The following ACSL6 variants were observed in gnomAD, a reference collection of about 807,000 sequenced individuals.
ACSL6 encodes the protein acyl-CoA synthetase long chain family member 6, also known as long-chain-fatty-acid--CoA ligase 6.
Under a neutral mutation model 98.2 loss-of-function variants are expected in ACSL6, and 47 were observed. The observed-to-expected ratio is 0.48, with a 90% confidence interval of 0.38 to 0.61. ACSL6 has a LOEUF of 0.61. Ranked by LOEUF, ACSL6 falls within the 20% of genes least tolerant of loss-of-function variation. The probability of loss-of-function intolerance (pLI) is 0.00; values close to 1 mark genes in which losing one functional copy is unlikely to be tolerated. For missense variants in ACSL6, 761 were observed against 913.4 expected (o/e 0.83, Z 2.15); for synonymous variants, 362 against 336.9 (o/e 1.07, Z -0.82).
At chr5:131,989,049 C>T (rs940778227) in intron 5 of ACSL6, 145 bp from the exon 6 acceptor site, 8 of 703,588 alleles carry the variant, frequency 1.1e-5, no homozygotes, top group South Asian at 3.4e-5. Context: ...TGTCTGCTCA[C>T]CCACAGCCTT....
chr5:131,975,775 C>G, intron 10 of ACSL6: 3 of 985,470 alleles, frequency 3.0e-6, no homozygotes, highest in Non-Finnish European at 3.6e-6. Flanking sequence ...GCTGTGCCTC[C>G]ACGTGCTCTC....
intron 1 of ACSL6, chr5:132,006,873 C>T (rs1037513972): frequency 1.3e-5 from 2 of 151,856 alleles, no homozygotes; most frequent in Non-Finnish European, 2.9e-5. Context: ...GGAGTTTACA[C>T]CTGCTTTTCC....
At chr5:131,985,149 C>G (rs974975083) in intron 9 of ACSL6, 98 of 522,720 alleles carry the variant, frequency 1.9e-4, no homozygotes, top group Admixed American at 6.2e-5. Flanking sequence ...GATCCAGCTG[C>G]CCATGACTCT....
upstream of ACSL6, chr5:132,012,198 A>G: frequency 2.3e-6 from 1 of 429,786 alleles, no homozygotes; most frequent in Non-Finnish European, 4.1e-6. Flanking sequence ...TCTGCAAACC[A>G]GTGAGGGGAG....
At position 131,972,775 on chromosome 5, in the gene ACSL6, T is replaced by C; in HGVS notation, c.1287A>G (p.Gly429=). 1 of 1,614,212 alleles carries C rather than the reference T, an allele frequency of 6.2e-7. No homozygotes were observed. The highest frequency in any genetic ancestry group is 8.5e-7 in the Non-Finnish European group (1 of 1,180,042). The change falls in exon 13 of 21, where the codon GGA becomes GGG. Residue 429 remains glycine (G), a synonymous_variant. Transcript: ENST00000651883. ...CCCAGATACTATCATTCCTGATGAT[T>C]CCACTCCGGACCTCGGCTTGCTTAC... The part of the protein sequence containing the change: ...AKRKQAEVRS[G]IIRNDSIWDE...
intron 1 of ACSL6, among the ~76,000 whole-genome samples, chr5:131,998,247 G>A (rs541284915): frequency 4.6e-5 from 7 of 152,308 alleles, no homozygotes; most frequent in Admixed American, 4.6e-4. Context: ...GTGTTGCCAG[G>A]TGAGTGACTG....
At chr5:131,998,915 T>G (rs529007096) in intron 1 of ACSL6, among the ~76,000 whole-genome samples, 12 of 152,288 alleles carry the variant, frequency 7.9e-5, no homozygotes, top group African/African-American at 2.9e-4. Flanking sequence ...GATTCTTCCC[T>G]CCCCTTTGAA....
Position 131,974,932 on chromosome 5 carries a change from G to A in ACSL6, c.1029C>T (p.Ser343=). The A allele has an allele frequency of 6.2e-7, 1 of 1,614,218 alleles. No homozygotes were observed. The highest frequency in any genetic ancestry group is 8.5e-7 in the Non-Finnish European group (1 of 1,180,040). ...IFPRQDDVLI[S]FLPLAHMFER... ...CAAACATGTGAGCCAGAGGCAGGAA[G>A]GAGATGAGCACATCGTCCTGTCTCG... The change falls in exon 11 of 21, where the codon TCC becomes TCT. Residue 343 remains serine (S), a synonymous_variant. Transcript: ENST00000651883.
chr5:131,966,497 G>C lies in ACSL6; in HGVS notation c.1632C>G (p.Tyr544Ter). ...CCTTCGTCCTGTCTGGATCTTTCAA[G>C]TAGCCTTTGAACACATTTGGTCCTC... The part of the protein sequence containing the change: ...CVRGPNVFKG[Y>*]LKDPDRTKEA... The change falls in exon 17 of 21, where the codon TAC becomes TAG. Residue 544 changes from tyrosine to a stop codon, truncating the protein, a stop_gained. Coordinates refer to ENST00000651883, the MANE Select transcript of ACSL6 (RefSeq NM_001009185.3). LOFTEE classifies it high-confidence loss of function. The C allele has an allele frequency of 6.2e-7, 1 of 1,614,188 alleles. No homozygotes were observed. The highest frequency in any genetic ancestry group is 8.5e-7 in the Non-Finnish European group (1 of 1,180,040).
chr5:132,008,313 G>T (rs1486462795), intron 1 of ACSL6, among the ~76,000 whole-genome samples: 1 of 152,222 alleles, frequency 6.6e-6, no homozygotes, highest in Non-Finnish European at 1.5e-5. Flanking sequence ...CCTGAACTAA[G>T]CCAAAGTGTG....
At chr5:131,967,862 T>C (rs2149707846) in intron 16 of ACSL6, 78 bp downstream of exon 16, 7 of 1,310,740 alleles carry the variant, frequency 5.3e-6, no homozygotes. Flanking sequence ...AAAAGGAAAA[T>C]CATTCCATCC....
At position 131,954,321 on chromosome 5, in the gene ACSL6, C is replaced by A. The variant is rs577278257; in HGVS notation, c.2082G>T (p.Leu694Phe). The change falls in exon 21 of 21, where the codon TTG becomes TTT. Residue 694 changes from leucine (L) to phenylalanine (F), a missense_variant. Transcript: ENST00000651883. ...HSDMFSVQNGLLTPTLKAKRP... is the reference protein window; with the variant it reads ...HSDMFSVQNGFLTPTLKAKRP... ...TCTTAGCTTTTAGTGTTGGTGTCAGCAAGCCATTTTGAACTGAGAACATGT... is the reference window on the plus strand; with the variant it reads ...TCTTAGCTTTTAGTGTTGGTGTCAGAAAGCCATTTTGAACTGAGAACATGT... 6.2e-7 allele frequency: 1 copy of A among 1,613,952 alleles called. No homozygotes were observed. The highest frequency in any genetic ancestry group is 1.7e-5 in the Admixed American group (1 of 60,012).
intron 1 of ACSL6, among the ~76,000 whole-genome samples, chr5:132,002,256 C>A (rs1755127222): frequency 6.6e-6 from 1 of 152,212 alleles, no homozygotes; most frequent in Non-Finnish European, 1.5e-5. Context: ...CTTTGCCTTT[C>A]CGGCCATGTC....
intron 1 of ACSL6, among the ~76,000 whole-genome samples, chr5:132,007,470 A>G (rs558348201): frequency 6.6e-6 from 1 of 152,344 alleles, no homozygotes; most frequent in South Asian, 2.1e-4. Context: ...TTTAGCTAAC[A>G]TGGCTGGCTG....
chr5:131,986,948 C>G, intron 7 of ACSL6, 94 bp from the exon 8 acceptor site: 1 of 1,206,114 alleles, frequency 8.3e-7, no homozygotes, highest in Non-Finnish European at 1.2e-6. Flanking sequence ...CACACACGCA[C>G]ATACACATAC....
intron 1 of ACSL6, among the ~76,000 whole-genome samples, chr5:132,000,703 T>G (rs1157311848): frequency 6.6e-6 from 1 of 152,144 alleles, no homozygotes; most frequent in African/African-American, 2.4e-5. Context: ...GCCAGCTTAC[T>G]ACCACCCCCA....
intron 20 of ACSL6, among the ~76,000 whole-genome samples, chr5:131,958,600 T>A (rs1752541574): frequency 6.6e-6 from 1 of 152,324 alleles, no homozygotes; most frequent in South Asian, 2.1e-4. Flanking sequence ...AAAACAGTAT[T>A]TTTAGACCCT....
chr5:132,006,807 A>G (rs909934584), intron 1 of ACSL6: 7 of 152,186 alleles, frequency 4.6e-5, no homozygotes, highest in Admixed American at 2.0e-4. Flanking sequence ...TCCAGGCTGC[A>G]CTGGTTCTCA....
chr5:132,012,064 C>T (rs368636393), upstream of ACSL6: 1 of 1,156,886 alleles, frequency 8.6e-7, no homozygotes, highest in South Asian at 1.7e-5. Context: ...TGGGCAGGCT[C>T]GAATGGCAGC....
Sources: allele counts gnomAD v4.1 joint callset (sites outside exome capture counted in the v4.1 genomes callset), GRCh38; gene constraint gnomAD v4.1.1; transcripts MANE v1.5; gene names NCBI Gene and HGNC (gene_info 2026-07-23, HGNC 2026-07-21).